Variants in ZNF219 observed in about 807,000 individuals in gnomAD.
The protein encoded by ZNF219 is zinc finger protein 219.
ZNF219 carries 17 observed loss-of-function variants against 54.4 expected under a neutral mutation model. The observed-to-expected ratio is 0.31, with a 90% confidence interval of 0.21 to 0.47. The LOEUF (loss-of-function observed/expected upper bound fraction) is 0.47. ZNF219 is among the 20% of genes least tolerant of loss of function. The probability of loss-of-function intolerance (pLI) is 1.00; values close to 1 mark genes in which losing one functional copy is unlikely to be tolerated. For synonymous variants in ZNF219, 518 were observed against 476.4 expected (o/e 1.09, Z -1.14); for missense variants, 1,014 against 1,062.3 (o/e 0.95, Z 0.63).
rs1316134768 is a variant in ZNF219, at chr14:21,092,747, T to C, written c.550A>G (p.Ile184Val). ...TSAERERHLH[I>V]LHRPWKCGLC... The stretch of plus-strand genomic sequence containing the variant: ...CCGCACTTCCAGGGCCTATGCAGGA[T>C]GTGCAGGTGGCGTTCGCGCTCCGCC... The change falls in exon 3 of 5, where the codon ATC becomes GTC. Residue 184 changes from isoleucine (I) to valine (V), a missense_variant. Ile to Val is a conservative substitution (Grantham distance 29). This residue lies in a region of ZNF219 where 395 missense variants were observed against 415.1 expected (regional missense o/e 0.95). Transcript: ENST00000360947. The C allele has an allele frequency of 6.3e-7, 1 of 1,586,908 alleles. No homozygotes were observed. Among genetic ancestry groups the C allele is most frequent in the Admixed American group, 1.8e-5 (1 of 55,364 alleles).
chr14:21,099,461 C>A (rs1470205306), upstream of ZNF219, among the ~76,000 whole-genome samples: 1 of 152,152 alleles, frequency 6.6e-6, no homozygotes, highest in African/African-American at 2.4e-5. Context: ...TTTTCTGGAT[C>A]TCTTTAAAAC....
Position 21,090,929 on chromosome 14 carries a change from T to G in ZNF219, c.1776A>C (p.Ser592=), listed in dbSNP as rs1022377909. 1.3e-6 allele frequency: 2 copies of G among 1,546,704 alleles called. No individual in the cohort carries two copies. The highest frequency in any genetic ancestry group is 1.7e-6 in the Non-Finnish European group (2 of 1,150,756). The change falls in exon 5 of 5, where the codon TCA becomes TCC. Residue 592 remains serine, a synonymous_variant. Coordinates refer to ENST00000360947, the MANE Select transcript of ZNF219 (RefSeq NM_016423.3). The surrounding 1 kb of genome is among the most constrained non-coding windows in gnomAD (Gnocchi z 4.4). The part of the protein sequence containing the change: ...PQPATWVEGA[S]SPRPPSSGAG... The stretch of plus-strand genomic sequence containing the variant: ...CACCGCTAGAAGGAGGCCGGGGACT[T>G]GAGGCGCCCTCCACCCAGGTCGCAG...
At chr14:21,102,739 G>A, upstream of ZNF219, 2 of 1,551,216 alleles carry the variant, frequency 1.3e-6, no homozygotes, top group African/African-American at 1.4e-5. Context: ...AAACCAGGAT[G>A]CTGCAGGAGC....
chr14:21,093,656 G>A lies in ZNF219; in HGVS notation c.-65C>T. 6.2e-7 allele frequency: 1 copy of A among 1,614,106 alleles called. No individual in the cohort carries two copies. The highest frequency in any genetic ancestry group is 8.5e-7 in the Non-Finnish European group (1 of 1,180,008). On this transcript the variant is annotated 5_prime_UTR_variant, in exon 2 of 5. Coordinates refer to ENST00000360947, the MANE Select transcript of ZNF219 (RefSeq NM_016423.3). ...AAGAGGAGGAAAAGCTGCTAATGAA[G>A]GCAACAGGTGCTGTGGAGCTAAAGC...
At chr14:21,101,870 C>G, upstream of ZNF219, 1 of 1,551,376 alleles carries the variant, frequency 6.4e-7, no homozygotes, top group Non-Finnish European at 8.7e-7. Context: ...CCCAGGTGAG[C>G]CAGCTATGGC....
chr14:21,101,370 G>A, upstream of ZNF219: 3 of 1,551,690 alleles, frequency 1.9e-6, no homozygotes, highest in South Asian at 1.2e-5. Context: ...GTGAGCAAGA[G>A]CAGGAGAGAC....
chr14:21,102,950 G>T, upstream of ZNF219: 1 of 1,345,968 alleles, frequency 7.4e-7, no homozygotes, highest in Non-Finnish European at 1.0e-6. Context: ...CCCTAATGGT[G>T]GGTAAGAGGA....
chr14:21,101,356 G>C (rs1889618610), upstream of ZNF219: 6 of 1,551,650 alleles, frequency 3.9e-6, no homozygotes, highest in Non-Finnish European at 5.2e-6. Context: ...GGAAGATAGA[G>C]CTGGTGAGCA....
At chr14:21,094,702 C>G (rs1428927298) in intron 1 of ZNF219, among the ~76,000 whole-genome samples, 2 of 92,264 alleles carry the variant, frequency 2.2e-5, no homozygotes, top group African/African-American at 9.0e-5. Context: ...AGGAGAAGAT[C>G]ATTGAGAGGA....
Position 21,090,165 on chromosome 14 carries a change from C to A in ZNF219, c.*371G>T, listed in dbSNP as rs1227247160. ...ACCAAAAATAGCGACGTCTACAGGG[C>A]CCCTGATGGGGCTAGAAGGGTACAG... On this transcript the variant is annotated 3_prime_UTR_variant, in exon 5 of 5. Transcript: ENST00000360947. The surrounding 1 kb of genome is among the most constrained non-coding windows in gnomAD (Gnocchi z 4.4). 2.0e-6 allele frequency: 1 copy of A among 507,874 alleles called. No homozygotes were observed. The highest frequency in any genetic ancestry group is 3.8e-6 in the Non-Finnish European group (1 of 261,762). 31.5% of individuals were successfully genotyped at this position (507,874 alleles called of 1,614,324 possible). A position where few individuals can be genotyped will look rare whatever the true frequency, so the allele number is the denominator to read the frequency against.
At chr14:21,093,459 G>A (rs1231124497) in intron 2 of ZNF219, 127 bp downstream of exon 2, 1 of 1,433,270 alleles carries the variant, frequency 7.0e-7, no homozygotes, top group Non-Finnish European at 9.7e-7. Context: ...GGAGGTGTAT[G>A]GGAATCGAGA....
chr14:21,099,494 G>C (rs1301300258), upstream of ZNF219, among the ~76,000 whole-genome samples: 1 of 152,162 alleles, frequency 6.6e-6, no homozygotes, highest in Non-Finnish European at 1.5e-5. Flanking sequence ...CCCCGGGAAA[G>C]AAAAGAGTAG....
chr14:21,090,521 G>A lies in ZNF219; in HGVS notation c.*15C>T, dbSNP rs762127652. On this transcript the variant is annotated 3_prime_UTR_variant, in exon 5 of 5. Coordinates refer to ENST00000360947, the MANE Select transcript of ZNF219 (RefSeq NM_016423.3). This position sits in a 1 kb window ranked among gnomAD's most constrained non-coding sequence, Gnocchi z 4.4. ...GCGGGGTAAGCTCACTAAGCTAATCGCCCCTGAGGGCCCACTACCGTTCTT... is the reference window on the plus strand; with the variant it reads ...GCGGGGTAAGCTCACTAAGCTAATCACCCCTGAGGGCCCACTACCGTTCTT... The A allele has an allele frequency of 1.3e-6, 2 of 1,572,524 alleles. No individual in the cohort carries two copies. The highest frequency in any genetic ancestry group is 1.7e-6 in the Non-Finnish European group (2 of 1,156,334).
At chr14:21,091,250 G>A in intron 4 of ZNF219, 110 bp from the exon 5 acceptor site, 1 of 1,508,780 alleles carries the variant, frequency 6.6e-7, no homozygotes, top group East Asian at 2.3e-5. Flanking sequence ...AGGGCACTGC[G>A]TCTCCCACCC....
chr14:21,101,763 C>T, upstream of ZNF219: 1 of 914,676 alleles, frequency 1.1e-6, no homozygotes. Context: ...TTTCCTCCAC[C>T]CTGCATTCAA....
chr14:21,095,191 T>C (rs73589940), intron 1 of ZNF219, among the ~76,000 whole-genome samples: 2,600 of 152,262 alleles, frequency 0.017, 73 homozygotes, highest in African/African-American at 0.059. Context: ...ATCTGGGCTA[T>C]AGGATTATTA....
upstream of ZNF219, chr14:21,100,999 G>A (rs1306440363): frequency 5.2e-6 from 1 of 191,120 alleles, no homozygotes. Context: ...AACTGAGGCC[G>A]GTATCTACCC....
chr14:21,101,856 T>C (rs1889653457), upstream of ZNF219: 1 of 1,550,758 alleles, frequency 6.4e-7, no homozygotes, highest in Non-Finnish European at 8.7e-7. Flanking sequence ...ACCCTACCCT[T>C]ACCCCCAGGT....
At chr14:21,101,212 C>G, upstream of ZNF219, 1 of 814,438 alleles carries the variant, frequency 1.2e-6, no homozygotes, top group Non-Finnish European at 1.9e-6. Flanking sequence ...GACCTCAAAT[C>G]CCTGGATATT....
Sources: allele counts gnomAD v4.1 joint callset (sites outside exome capture counted in the v4.1 genomes callset), GRCh38; gene constraint gnomAD v4.1.1; regional missense constraint gnomAD v4.1.1; non-coding constraint Gnocchi (gnomAD v3.1); transcripts MANE v1.5; gene names NCBI Gene and HGNC (gene_info 2026-07-23, HGNC 2026-07-21).